Variants in RIC1 observed in about 807,000 individuals in gnomAD.
RIC1 encodes the protein guanine nucleotide exchange factor subunit RIC1.
RIC1 carries 88 observed loss-of-function variants against 169.0 expected under a neutral mutation model. That is an observed-to-expected ratio of 0.52 (90% confidence interval 0.44 to 0.62). The LOEUF (loss-of-function observed/expected upper bound fraction) is 0.62, where lower values mean the gene tolerates loss of function less well. RIC1 is among the 20% of genes least tolerant of loss of function. RIC1 has a pLI of 0.00. For synonymous variants in RIC1, 790 were observed against 601.5 expected, an observed-to-expected ratio of 1.31 and a Z score of -4.59; for missense variants, 1,877 against 1,725.5, an observed-to-expected ratio of 1.09 and a Z score of -1.56.
chr9:5,707,924 A>G (rs1181364804), intron 3 of RIC1, among the ~76,000 whole-genome samples: 2 of 151,862 alleles, frequency 1.3e-5, no homozygotes, highest in Non-Finnish European at 2.9e-5. Context: ...TTTGTTTTCT[A>G]TTATGTCTGT....
chr9:5,690,113 G>A, intron 3 of RIC1, 75 bp downstream of exon 3: 1 of 961,986 alleles, frequency 1.0e-6, no homozygotes, highest in Non-Finnish European at 1.5e-6. Context: ...ACAGTTTTGA[G>A]TTGTCTGTAG....
At chr9:5,696,067 A>G (rs928571843) in intron 3 of RIC1, among the ~76,000 whole-genome samples, 1 of 152,078 alleles carries the variant, frequency 6.6e-6, no homozygotes, top group African/African-American at 2.4e-5. Flanking sequence ...TCAGTCATCA[A>G]ATTTTACTGA....
At chr9:5,659,097 A>G (rs1338483592) in intron 2 of RIC1, among the ~76,000 whole-genome samples, 1 of 152,148 alleles carries the variant, frequency 6.6e-6, no homozygotes, top group Non-Finnish European at 1.5e-5. Flanking sequence ...GTGGATGTAT[A>G]TTACCAAAAA....
At position 5,754,784 on chromosome 9, in the gene RIC1, C is replaced by T. The variant is rs1825906975; in HGVS notation, c.1603-57C>T. 6.9e-6 allele frequency: 7 copies of T among 1,013,510 alleles called. No homozygotes were observed. The South Asian group carries it at 1.0e-4, about 14-fold the overall frequency. The allele number at this position is 1,013,510 out of a possible 1,614,324, so 62.8% of individuals were successfully genotyped here. A position where few individuals can be genotyped will look rare whatever the true frequency, so the allele number is the denominator to read the frequency against. On this transcript the variant is annotated intron_variant, in intron 14 of 25. Coordinates refer to ENST00000414202, the MANE Select transcript of RIC1 (RefSeq NM_020829.4). ...GGTAAGAATTTTTATAAATATATTA[C>T]TTTGTTATAATTTCTGGTAGCATAA... is the stretch of plus-strand genomic sequence containing the variant.
At chr9:5,681,165 G>A (rs1349516724) in intron 2 of RIC1, among the ~76,000 whole-genome samples, 2 of 152,048 alleles carry the variant, frequency 1.3e-5, no homozygotes, top group Non-Finnish European at 1.5e-5. Flanking sequence ...ATTTCCTTCA[G>A]TTCTGCTCTG....
At chr9:5,699,691 T>C (rs151234154) in intron 3 of RIC1, among the ~76,000 whole-genome samples, 4 of 152,274 alleles carry the variant, frequency 2.6e-5, no homozygotes, top group East Asian at 1.9e-4. Flanking sequence ...TAAAATGTAA[T>C]TGTTGGATTT....
intron 3 of RIC1, among the ~76,000 whole-genome samples, chr9:5,710,651 A>C (rs573928927): frequency 6.6e-6 from 1 of 152,322 alleles, no homozygotes; most frequent in Non-Finnish European, 1.5e-5. Flanking sequence ...TTAGAAACAC[A>C]TACCAGAAAA....
intron 1 of RIC1, among the ~76,000 whole-genome samples, chr9:5,638,579 C>G (rs1174469342): frequency 6.6e-6 from 1 of 152,150 alleles, no homozygotes; most frequent in East Asian, 1.9e-4. Context: ...GTTGTATGTG[C>G]TAGGGATTTA....
intron 2 of RIC1, among the ~76,000 whole-genome samples, chr9:5,665,748 G>A (rs190408868): frequency 3.9e-5 from 6 of 152,148 alleles, no homozygotes; most frequent in South Asian, 2.1e-4. Flanking sequence ...GATTTTTCCT[G>A]TACCTGGAGG....
At chr9:5,682,543 G>C (rs897695242) in intron 2 of RIC1, among the ~76,000 whole-genome samples, 1 of 151,864 alleles carries the variant, frequency 6.6e-6, no homozygotes, top group South Asian at 2.1e-4. Context: ...TAGTCTGATG[G>C]GCTTCTCTTT....
rs769273314 is a variant in RIC1, at chr9:5,763,878, C to A, written c.2841+10C>A. The A allele has an allele frequency of 5.6e-6, 9 of 1,593,744 alleles. No individual in the cohort carries two copies. Among genetic ancestry groups the A allele is most frequent in the Non-Finnish European group, 7.7e-6 (9 of 1,167,476 alleles). On this transcript the variant is annotated intron_variant, in intron 19 of 25. Coordinates refer to ENST00000414202, the MANE Select transcript of RIC1 (RefSeq NM_020829.4). The surrounding 1 kb of genome is among the most constrained non-coding windows in gnomAD (Gnocchi z 5.2). The stretch of plus-strand genomic sequence containing the variant: ...CCTTATTATCTTACAGGTAACAATT[C>A]TCTTCTTATAAAGGGGCAAGAATTA...
At chr9:5,689,109 C>T (rs186603382) in intron 2 of RIC1, among the ~76,000 whole-genome samples, 23 of 122,552 alleles carry the variant, frequency 1.9e-4, no homozygotes, top group African/African-American at 5.8e-4. Context: ...AGTGCAGTGG[C>T]GCGATCTTAG....
chr9:5,653,355 A>G lies in RIC1; in HGVS notation c.145-3228A>G, dbSNP rs543713759. ...TAGCTTTATAGTAAGTCTTGAAGTC[A>G]GGTAATGCCGGTCTTCCAACATTGT... On this transcript the variant is annotated intron_variant, in intron 1 of 25. Coordinates refer to ENST00000414202, the MANE Select transcript of RIC1 (RefSeq NM_020829.4). 5.9e-5 allele frequency among the ~76,000 whole-genome samples: 9 copies of G among 152,156 alleles called. No homozygotes were observed. The South Asian group carries it at 1.7e-3, about 28-fold the overall frequency.
intron 7 of RIC1, among the ~76,000 whole-genome samples, chr9:5,737,429 C>A (rs1014438828): frequency 1.3e-5 from 2 of 152,198 alleles, no homozygotes; most frequent in Admixed American, 6.5e-5. Context: ...CTCCTGTTTA[C>A]CCCTCTTCTT....
Position 5,754,899 on chromosome 9 carries a change from C to T in RIC1, c.1661C>T (p.Ala554Val), listed in dbSNP as rs762692062. 3.2e-6 allele frequency: 5 copies of T among 1,564,402 alleles called. No individual in the cohort carries two copies. Among genetic ancestry groups the T allele is most frequent in the Non-Finnish European group, 4.4e-6 (5 of 1,148,006 alleles). The stretch of plus-strand genomic sequence containing the variant: ...TGGTGGAATGATTTTATGGTCCTTG[C>T]GTGTTATAACATAAATGACCGTCAA... ...LAWWNDFMVLACYNINDRQEE... is the reference protein window; with the variant it reads ...LAWWNDFMVLVCYNINDRQEE... Residue 554 changes from alanine to valine, a missense_variant, in exon 15 of 26, where the codon GCG becomes GTG. Transcript: ENST00000414202.
chr9:5,735,741 A>T (rs1824661198), intron 7 of RIC1, among the ~76,000 whole-genome samples: 1 of 152,234 alleles, frequency 6.6e-6, no homozygotes, highest in Non-Finnish European at 1.5e-5. Context: ...GCCAGTTTGC[A>T]GCAGATCAGT....
intron 3 of RIC1, among the ~76,000 whole-genome samples, chr9:5,691,916 T>G (rs1471937916): frequency 6.6e-6 from 1 of 152,056 alleles, no homozygotes; most frequent in African/African-American, 2.4e-5. Context: ...TGGAATAGTA[T>G]TTTGAGACCC....
At chr9:5,755,091 T>A (rs551092558) in intron 15 of RIC1, among the ~76,000 whole-genome samples, 161 bp downstream of exon 15, 2 of 152,358 alleles carry the variant, frequency 1.3e-5, no homozygotes, top group Admixed American at 1.3e-4. Flanking sequence ...CTTTTCAGGT[T>A]ATTACTTTAA....
Position 5,650,307 on chromosome 9 carries a change from G to A in RIC1, c.145-6276G>A, listed in dbSNP as rs1023775689. On this transcript the variant is annotated intron_variant, in intron 1 of 25. Coordinates refer to ENST00000414202, the MANE Select transcript of RIC1 (RefSeq NM_020829.4). The stretch of plus-strand genomic sequence containing the variant: ...GGTGGGCTGACTCTCAGGCTTCCCT[G>A]TAGGAGTGCGTATGTGTGAGTGGCA... 5.3e-5 allele frequency among the ~76,000 whole-genome samples: 8 copies of A among 152,070 alleles called. No individual in the cohort carries two copies. In the South Asian group the frequency reaches 1.7e-3, roughly 31 times the overall value.
Sources: allele counts gnomAD v4.1 joint callset (sites outside exome capture counted in the v4.1 genomes callset), GRCh38; gene constraint gnomAD v4.1.1; non-coding constraint Gnocchi (gnomAD v3.1); transcripts MANE v1.5; gene names NCBI Gene and HGNC (gene_info 2026-07-23, HGNC 2026-07-21).